RNF14: variants seen among roughly 807,000 people sequenced by gnomAD.
RNF14 encodes ring finger protein 14.
Under a neutral mutation model 52.6 loss-of-function variants are expected in RNF14, and 26 were observed. The observed-to-expected ratio is 0.49, with a 90% CI of 0.36 to 0.69. RNF14 has a LOEUF of 0.69. Among genes scored for constraint, RNF14 ranks in the 30% least tolerant of loss-of-function variants. The pLI, the probability that RNF14 is intolerant of heterozygous loss-of-function variation, is 0.00. For synonymous variants in RNF14, 194 were observed against 202.0 expected, an observed-to-expected ratio of 0.96 and a Z score of 0.34; for missense variants, 404 against 560.4, an observed-to-expected ratio of 0.72 and a Z score of 2.82.
intron 1 of RNF14, chr5:141,969,799 T>G (rs1399794498): frequency 6.6e-6 from 1 of 152,192 alleles, no homozygotes; most frequent in Admixed American, 6.5e-5. Flanking sequence ...GGTATTGAGA[T>G]TTTAAAAAAC....
intron 1 of RNF14, among the ~76,000 whole-genome samples, chr5:141,959,722 G>T (rs1006281200): frequency 6.6e-6 from 1 of 152,098 alleles, no homozygotes; most frequent in Non-Finnish European, 1.5e-5. Context: ...CACTCCTGAG[G>T]TTTCCCAACT....
chr5:141,949,672 C>T, the RNF14 span: 2 of 1,485,804 alleles, frequency 1.3e-6, no homozygotes, highest in Non-Finnish European at 1.8e-6. Flanking sequence ...TTCATTTACC[C>T]ATATAGGGAA....
intron 2 of RNF14, among the ~76,000 whole-genome samples, chr5:141,971,612 CTTTCTTTCTTCTTTCTTTCTTTCCTTT>C: frequency 9.6e-6 from 1 of 103,696 alleles, no homozygotes; most frequent in African/African-American, 3.8e-5. Flanking sequence ...TCTTTCTTTC[CTTTCTTTCTTCTTTCTTTCTTTCCTTT>C]TTTTTTTTTT....
At chr5:141,957,138 A>G (rs556895322), upstream of RNF14, 2 of 1,614,150 alleles carry the variant, frequency 1.2e-6, no homozygotes, top group South Asian at 2.2e-5. The surrounding 1 kb of genome is among the most constrained non-coding windows in gnomAD (Gnocchi z 4.3). Flanking sequence ...GGCTATTGTC[A>G]TTGGAGTCCA....
intron 7 of RNF14, 88 bp from the exon 8 acceptor site, chr5:141,984,715 G>A: frequency 8.0e-7 from 1 of 1,252,246 alleles, no homozygotes; most frequent in Non-Finnish European, 1.2e-6. Context: ...AGAGGACCAA[G>A]ACAATGTTGT....
chr5:141,980,060 C>A, intron 5 of RNF14, 63 bp from the exon 6 acceptor site: 3 of 1,312,352 alleles, frequency 2.3e-6, no homozygotes, highest in South Asian at 2.4e-5. Context: ...TCCTAAGAAT[C>A]GCCTCAGGTT....
intron 5 of RNF14, 57 bp downstream of exon 5, chr5:141,978,887 T>C: frequency 6.4e-6 from 10 of 1,566,546 alleles, no homozygotes; most frequent in South Asian, 3.5e-5. Flanking sequence ...AATGGAGATA[T>C]CATCTCAGGA....
upstream of RNF14, chr5:141,955,714 C>T: frequency 6.2e-7 from 1 of 1,614,140 alleles, no homozygotes. The surrounding 1 kb of genome is among the most constrained non-coding windows in gnomAD (Gnocchi z 5.5). Flanking sequence ...CATCGACATG[C>T]TCAAGGCCCC....
In RNF14 at chr5:141,970,886, T is replaced by G. The variant is rs1753682241; in HGVS notation, c.-7+9T>G. ...CTGATTGTTATTAACAGGTACTAAC[T>G]GACCTCAAGTAGAACATGTAATTGT... On this transcript the variant is annotated intron_variant, in intron 2 of 8. Transcript: ENST00000394520. 6.6e-6 allele frequency: 1 copy of G among 152,338 alleles called. No individual in the cohort carries two copies. Among genetic ancestry groups the G allele is most frequent in the Non-Finnish European group, 1.5e-5 (1 of 68,044 alleles). The allele number at this position is 152,338 out of a possible 1,614,324, so 9.4% of individuals were successfully genotyped here.
chr5:141,976,008 A>G (rs935965363), intron 4 of RNF14, among the ~76,000 whole-genome samples: 4 of 152,098 alleles, frequency 2.6e-5, no homozygotes, highest in African/African-American at 9.7e-5. Flanking sequence ...TCTTTGGATC[A>G]TACAGTTTTC....
At chr5:141,981,032 A>G (rs1561554904) in intron 6 of RNF14, among the ~76,000 whole-genome samples, 1 of 152,226 alleles carries the variant, frequency 6.6e-6, no homozygotes, top group East Asian at 1.9e-4. Flanking sequence ...ATCATAAATC[A>G]GGCCCTTAAC....
At chr5:141,980,011 G>A (rs944378250) in intron 5 of RNF14, 112 bp from the exon 6 acceptor site, 2 of 791,468 alleles carry the variant, frequency 2.5e-6, no homozygotes, top group Non-Finnish European at 4.3e-6. Context: ...AAGTGAAAGA[G>A]AGGTTTTAAT....
upstream of RNF14, chr5:141,957,960 A>AAG: frequency 7.7e-7 from 1 of 1,295,848 alleles, no homozygotes; most frequent in Non-Finnish European, 1.1e-6. The surrounding 1 kb of genome is among the most constrained non-coding windows in gnomAD (Gnocchi z 4.3). Context: ...TCCTTCCCCC[A>AAG]GAGCTGCCGG....
At chr5:141,957,480 T>G, upstream of RNF14, 5 of 1,613,422 alleles carry the variant, frequency 3.1e-6, no homozygotes, top group Non-Finnish European at 4.2e-6. The surrounding 1 kb of genome is among the most constrained non-coding windows in gnomAD (Gnocchi z 4.3). Context: ...TGTCCAGCAC[T>G]TGGATCTCCA....
At chr5:141,962,721 A>G (rs1238516408), upstream of RNF14, among the ~76,000 whole-genome samples, 1 of 152,182 alleles carries the variant, frequency 6.6e-6, no homozygotes, top group African/African-American at 2.4e-5. Flanking sequence ...ATACAAGAAA[A>G]GATTTGTATG....
chr5:141,956,057 C>T, upstream of RNF14: 1 of 1,614,064 alleles, frequency 6.2e-7, no homozygotes, highest in East Asian at 2.2e-5. Flanking sequence ...CCCGCTGGGC[C>T]CAAGCCATTG....
At chr5:141,987,183 G>T (rs1025516710) in intron 8 of RNF14, among the ~76,000 whole-genome samples, 3 of 152,184 alleles carry the variant, frequency 2.0e-5, no homozygotes, top group Non-Finnish European at 4.4e-5. Flanking sequence ...CAGTGAGGGA[G>T]GGGGGTATGA....
the RNF14 span, chr5:141,949,612 T>A: frequency 6.2e-7 from 1 of 1,606,914 alleles, no homozygotes; most frequent in Non-Finnish European, 8.5e-7. Flanking sequence ...AGTCCATGGG[T>A]AGGGACATTC....
chr5:141,951,334 C>T, the RNF14 span, among the ~76,000 whole-genome samples: 1 of 152,172 alleles, frequency 6.6e-6, no homozygotes, highest in Non-Finnish European at 1.5e-5. Context: ...CACCTCACGA[C>T]CAAAACTCCC....
Sources: gnomAD v4.1 joint callset for allele counts (sites outside exome capture counted in the v4.1 genomes callset) on GRCh38, gnomAD v4.1.1 for gene constraint, Gnocchi (gnomAD v3.1) non-coding constraint, MANE v1.5 for transcripts, NCBI Gene and HGNC (gene_info 2026-07-23, HGNC 2026-07-21) for gene names.